The following PARD3B variants were observed in gnomAD, a reference collection of about 807,000 sequenced individuals.
PARD3B encodes partitioning defective 3 homolog B.
Under a neutral mutation model 130.2 loss-of-function variants are expected in PARD3B, and 103 were observed. The observed-to-expected ratio is 0.79, with a 90% CI of 0.67 to 0.93. The LOEUF (loss-of-function observed/expected upper bound fraction) is 0.93. Ranked by LOEUF, PARD3B falls within the 40% of genes least tolerant of loss-of-function variation. The probability of loss-of-function intolerance (pLI) is 0.00; values close to 1 mark genes in which losing one functional copy is unlikely to be tolerated. For missense variants in PARD3B, 1,609 were observed against 1,499.2 expected, an observed-to-expected ratio of 1.07 and a Z score of -1.21; for synonymous variants, 583 against 553.2, an observed-to-expected ratio of 1.05 and a Z score of -0.76.
In PARD3B at chr2:205,253,405, T is replaced by G. The variant is rs1279030627; in HGVS notation, c.2185+7583T>G. The G allele has an allele frequency of 2.6e-5, 15 of 568,052 alleles. No individual in the cohort carries two copies. The allele number at this position is 568,052 out of a possible 1,614,324, so 35.2% of individuals were successfully genotyped here. On this transcript the variant is annotated intron_variant, in intron 16 of 22. Transcript: ENST00000406610. The surrounding 1 kb of genome is among the most constrained non-coding windows in gnomAD (Gnocchi z 4.4). ...GACACACCCATGGCCATACGTTTGG[T>G]CTTCTTGGCCTTGGCTGGGCTGGTG...
At chr2:204,825,342 G>T (rs2043526635) in intron 2 of PARD3B, among the ~76,000 whole-genome samples, 1 of 152,184 alleles carries the variant, frequency 6.6e-6, no homozygotes, top group South Asian at 2.1e-4. Flanking sequence ...GGAAGTGATG[G>T]TAGAATTGGG....
At chr2:204,704,696 T>A (rs2038053036) in intron 2 of PARD3B, among the ~76,000 whole-genome samples, 1 of 152,206 alleles carries the variant, frequency 6.6e-6, no homozygotes, top group African/African-American at 2.4e-5. Flanking sequence ...TTATCTTTTC[T>A]TCATTTGAAT....
At chr2:205,175,963 G>A (rs769411248) in intron 12 of PARD3B, among the ~76,000 whole-genome samples, 2 of 152,184 alleles carry the variant, frequency 1.3e-5, no homozygotes, top group Non-Finnish European at 2.9e-5. Flanking sequence ...CCTGGCCAAA[G>A]ACCTAGTATC....
chr2:204,920,794 C>T (rs988465425), intron 2 of PARD3B, among the ~76,000 whole-genome samples: 3 of 152,146 alleles, frequency 2.0e-5, no homozygotes, highest in Admixed American at 6.5e-5. Flanking sequence ...TGCGAGACTG[C>T]CCTGCTCCTT....
chr2:204,694,435 G>A (rs879943480), intron 2 of PARD3B, among the ~76,000 whole-genome samples: 2 of 151,906 alleles, frequency 1.3e-5, no homozygotes, highest in African/African-American at 2.4e-5. Context: ...TTTAGGACTG[G>A]GATGATTGTT....
In PARD3B at chr2:205,325,494, A is replaced by G. The variant is rs2042907583; in HGVS notation, c.2630+23793A>G. Among the ~76,000 whole-genome samples, 2 of 149,344 alleles carry G rather than the reference A, an allele frequency of 1.3e-5. No homozygotes were observed. Among genetic ancestry groups the G allele is most frequent in the South Asian group, 4.4e-4 (2 of 4,582 alleles). On this transcript the variant is annotated intron_variant, in intron 18 of 22. Coordinates refer to ENST00000406610, the MANE Select transcript of PARD3B (RefSeq NM_001302769.2). The surrounding 1 kb of genome is among the most constrained non-coding windows in gnomAD (Gnocchi z 4.1). ...ATTCTCTCCACACTCAGTACTGATA[A>G]AGATAGTTTACTAATATCATCTCAT...
At chr2:205,317,386 C>A (rs2042598375) in intron 18 of PARD3B, among the ~76,000 whole-genome samples, 1 of 152,162 alleles carries the variant, frequency 6.6e-6, no homozygotes, top group Non-Finnish European at 1.5e-5. Context: ...GATTGGTTAG[C>A]TGGAAAGTCA....
At chr2:205,314,157 C>A (rs1399111226) in intron 18 of PARD3B, among the ~76,000 whole-genome samples, 2 of 152,050 alleles carry the variant, frequency 1.3e-5, no homozygotes, top group Non-Finnish European at 2.9e-5. Context: ...GCTTGGGGGG[C>A]AAATGGAATC....
intron 4 of PARD3B, among the ~76,000 whole-genome samples, chr2:205,101,508 A>T (rs143678189): frequency 1.9e-3 from 289 of 152,338 alleles, no homozygotes; most frequent in African/African-American, 6.8e-3. Context: ...TAGTTACCAT[A>T]TGAGCAACAA....
In PARD3B at chr2:204,934,655, C is replaced by A. The variant is rs543072476; in HGVS notation, c.223-30497C>A. Among the ~76,000 whole-genome samples the A allele has an allele frequency of 2.6e-5, 4 of 152,136 alleles. No individual in the cohort carries two copies. In the South Asian group the frequency reaches 8.3e-4, roughly 32 times the overall value. ...ACACTATTACAACCTATTTTCCAGA[C>A]CTTTTTTATTATTAAAATGTTCTAT... On this transcript the variant is annotated intron_variant, in intron 2 of 22. Transcript: ENST00000406610.
intron 3 of PARD3B, among the ~76,000 whole-genome samples, chr2:204,971,365 G>C (rs1280329580): frequency 1.3e-5 from 2 of 152,150 alleles, no homozygotes; most frequent in Non-Finnish European, 2.9e-5. Context: ...TTATGCTTCT[G>C]ATGAAGCCTT....
At chr2:204,856,104 T>A (rs1046635447) in intron 2 of PARD3B, among the ~76,000 whole-genome samples, 5 of 152,212 alleles carry the variant, frequency 3.3e-5, no homozygotes, top group Non-Finnish European at 5.9e-5. Flanking sequence ...AATTTTTATA[T>A]CTTTTAGGAA....
chr2:204,705,507 T>G (rs904803023), intron 2 of PARD3B, among the ~76,000 whole-genome samples: 5 of 152,198 alleles, frequency 3.3e-5, no homozygotes, highest in Non-Finnish European at 5.9e-5. Flanking sequence ...TGTAAGAATT[T>G]AAGCATACAA....
At chr2:204,710,552 A>C (rs994098187) in intron 2 of PARD3B, among the ~76,000 whole-genome samples, 2 of 152,184 alleles carry the variant, frequency 1.3e-5, no homozygotes, top group African/African-American at 4.8e-5. Flanking sequence ...AGTCTTGGGC[A>C]CTCATTGGGG....
chr2:205,514,355 A>G (rs920890515), intron 21 of PARD3B, among the ~76,000 whole-genome samples: 19 of 152,172 alleles, frequency 1.2e-4, no homozygotes, highest in African/African-American at 3.9e-4. Context: ...GATGTAAATT[A>G]TAAGTCTTCC....
chr2:204,697,615 C>T (rs939196798), intron 2 of PARD3B, among the ~76,000 whole-genome samples: 1 of 152,096 alleles, frequency 6.6e-6, no homozygotes, highest in Non-Finnish European at 1.5e-5. Flanking sequence ...GGCCAACTGT[C>T]AGCCTCTGAG....
intron 2 of PARD3B, among the ~76,000 whole-genome samples, chr2:204,771,492 A>G (rs1431387791): frequency 6.6e-6 from 1 of 152,044 alleles, no homozygotes. Context: ...GGACATAAAG[A>G]TGGCAACAAT....
At chr2:205,131,649 G>A (rs1256618739) in intron 10 of PARD3B, among the ~76,000 whole-genome samples, 2 of 152,158 alleles carry the variant, frequency 1.3e-5, no homozygotes, top group Non-Finnish European at 2.9e-5. Context: ...GAACATGACA[G>A]CATTTGAAAA....
At chr2:205,531,521 G>A (rs2051593431) in intron 21 of PARD3B, among the ~76,000 whole-genome samples, 1 of 152,046 alleles carries the variant, frequency 6.6e-6, no homozygotes, top group Admixed American at 6.5e-5. Context: ...CAATTCATTA[G>A]TTTCCCTCCA....
Sources: gnomAD v4.1 joint callset for allele counts (sites outside exome capture counted in the v4.1 genomes callset) on GRCh38, gnomAD v4.1.1 for gene constraint, Gnocchi (gnomAD v3.1) non-coding constraint, MANE v1.5 for transcripts, NCBI Gene and HGNC (gene_info 2026-07-23, HGNC 2026-07-21) for gene names.